PDXDC1: variants seen among roughly 807,000 people sequenced by gnomAD.
PDXDC1 encodes the protein pyridoxal-dependent decarboxylase domain-containing protein 1.
Under a neutral mutation model 100.1 loss-of-function variants are expected in PDXDC1, and 42 were observed. That is an observed-to-expected ratio of 0.42 (90% CI 0.33 to 0.54). The LOEUF is 0.54. Ranked by LOEUF, PDXDC1 falls within the 20% of genes least tolerant of loss-of-function variation. PDXDC1 has a pLI of 0.10. For synonymous variants in PDXDC1, 260 were observed against 371.7 expected, an observed-to-expected ratio of 0.70 and a Z score of 3.46; for missense variants, 636 against 979.2, an observed-to-expected ratio of 0.65 and a Z score of 4.68.
At chr16:15,125,735 C>T (rs770229298) in intron 16 of PDXDC1, 124 of 1,483,364 alleles carry the variant, frequency 8.4e-5, no homozygotes, top group Admixed American at 3.7e-4. Context: ...CTGTCCAGCA[C>T]GGACGAGTCC....
In PDXDC1 at chr16:15,038,257, C is replaced by CCCTGCTGTGATAA. The variant is rs1295092020; in HGVS notation, c.*1983_*1995dup. 1 of 1,327,930 alleles carries CCCTGCTGTGATAA rather than the reference C, an allele frequency of 7.5e-7. No homozygotes were observed. Among genetic ancestry groups the CCCTGCTGTGATAA allele is most frequent in the African/African-American group, 1.5e-5 (1 of 68,276 alleles). The allele number at this position is 1,327,930 out of a possible 1,614,324, so 82.3% of individuals were successfully genotyped here. A position where few individuals can be genotyped will look rare whatever the true frequency, so the allele number is the denominator to read the frequency against. ...CATTAGAGAAGCCAACCTTACTGTC[C>CCCTGCTGTGATAA]CCTGCTGTGATAAAGATGTCAAAGT... On this transcript the variant is annotated 3_prime_UTR_variant, in exon 23 of 23. Coordinates refer to ENST00000396410, the MANE Select transcript of PDXDC1 (RefSeq NM_015027.4).
intron 16 of PDXDC1, among the ~76,000 whole-genome samples, chr16:15,048,727 G>A (rs191277955): frequency 9.3e-4 from 141 of 152,106 alleles, no homozygotes; most frequent in African/African-American, 2.5e-3. Context: ...AGGCTCAAGC[G>A]ATCCTACCAC....
At chr16:15,023,718 G>C (rs1423103557) in intron 13 of PDXDC1, among the ~76,000 whole-genome samples, 7 of 152,290 alleles carry the variant, frequency 4.6e-5, no homozygotes, top group African/African-American at 7.2e-5. Context: ...TTCTGAGTGG[G>C]AGTCTGGAGC....
intron 16 of PDXDC1, chr16:15,093,980 C>G (rs2046245505): frequency 1.5e-6 from 1 of 675,022 alleles, no homozygotes; most frequent in African/African-American, 1.8e-5. Context: ...TGTCTATTAC[C>G]CAGTTAGGAG....
intron 16 of PDXDC1, among the ~76,000 whole-genome samples, chr16:15,053,922 A>G (rs2044395841): frequency 6.6e-6 from 1 of 152,012 alleles, no homozygotes; most frequent in Non-Finnish European, 1.5e-5. Context: ...AAAAAAACCA[A>G]CCAACCAAAC....
chr16:14,988,517 CTG>C (rs1476638965), intron 1 of PDXDC1: 2 of 1,613,830 alleles, frequency 1.2e-6, no homozygotes, highest in African/African-American at 2.7e-5. Flanking sequence ...GCGTGATGGG[CTG>C]TGTCACCATG....
intron 4 of PDXDC1, among the ~76,000 whole-genome samples, chr16:15,003,216 CT>C (rs1217823601): frequency 1.2e-3 from 155 of 134,314 alleles, no homozygotes; most frequent in African/African-American, 1.3e-3. Flanking sequence ...AGATTTAATT[CT>C]TTTTTTTTTT....
At chr16:15,065,314 C>G (rs374776471) in intron 16 of PDXDC1, 26 of 1,613,638 alleles carry the variant, frequency 1.6e-5, no homozygotes, top group East Asian at 8.9e-5. Context: ...TAATGACTGG[C>G]AGCATCTGGC....
chr16:15,142,020 C>A (rs1028395925), downstream of PDXDC1, among the ~76,000 whole-genome samples: 3 of 152,206 alleles, frequency 2.0e-5, no homozygotes, highest in Admixed American at 2.0e-4. Context: ...TGAACACAGG[C>A]AGGCCCCCTG....
At chr16:15,043,448 G>A (rs1247895007) in intron 16 of PDXDC1, among the ~76,000 whole-genome samples, 1 of 152,206 alleles carries the variant, frequency 6.6e-6, no homozygotes, top group Non-Finnish European at 1.5e-5. Context: ...AGGCTGAGGA[G>A]GGAGGATCAC....
rs1489060442 is a variant in PDXDC1, at chr16:15,094,553, G to C, written c.1400-44326G>C. 5 of 440,652 alleles carry C rather than the reference G, an allele frequency of 1.1e-5. No homozygotes were observed. The Admixed American group carries it at 2.2e-4, about 20-fold the overall frequency. The allele number at this position is 440,652 out of a possible 1,614,324, so 27.3% of individuals were successfully genotyped here. On this transcript the variant is annotated intron_variant, in intron 16 of 16. Coordinates refer to the PDXDC1 transcript ENST00000535621. ...AAGCTGTGGCCGGGTACACTCAAGT[G>C]TTAATTTTTTGGAGTCAAAGCCTCC...
intron 13 of PDXDC1, 144 bp downstream of exon 13, chr16:15,022,898 C>T (rs557726743): frequency 3.5e-4 from 259 of 737,416 alleles, no homozygotes; most frequent in African/African-American, 1.7e-3. Context: ...AACAAAAAAA[C>T]GAAACAAAAA....
At chr16:15,119,361 A>T (rs968770906) in intron 16 of PDXDC1, 6 of 279,046 alleles carry the variant, frequency 2.2e-5, no homozygotes, top group African/African-American at 1.3e-4. Context: ...TGAGCCACAC[A>T]TAACATACAC....
Position 14,976,555 on chromosome 16 carries a change from C to T in PDXDC1, c.21+1335C>T, listed in dbSNP as rs375700727. On this transcript the variant is annotated intron_variant, in intron 1 of 22. Coordinates refer to ENST00000396410, the MANE Select transcript of PDXDC1 (RefSeq NM_015027.4). Reference sequence around the variant, plus strand: ...TTTCCTGGCTGGGAATAAAGTCTTTCCGGTCGTCTGATTAGCAGGGTGTCT... The same window carrying T: ...TTTCCTGGCTGGGAATAAAGTCTTTTCGGTCGTCTGATTAGCAGGGTGTCT... Among the ~76,000 whole-genome samples, 3 of 152,408 alleles carry T rather than the reference C, an allele frequency of 2.0e-5. No homozygotes were observed. The South Asian group carries it at 6.2e-4, about 32-fold the overall frequency.
intron 16 of PDXDC1, among the ~76,000 whole-genome samples, chr16:15,072,239 C>T (rs1455519013): frequency 2.2e-4 from 20 of 91,400 alleles, no homozygotes; most frequent in Non-Finnish European, 4.9e-4. Context: ...ACATTCTTTC[C>T]CCCACCAAAA....
intron 16 of PDXDC1, among the ~76,000 whole-genome samples, chr16:15,097,966 GAGTCTCCCTCTGTTGCCC>G (rs2046416482): frequency 7.6e-6 from 1 of 131,082 alleles, no homozygotes; most frequent in African/African-American, 2.9e-5. Flanking sequence ...TTTTGAGACG[GAGTCTCCCTCTGTTGCCC>G]AGGCTGGAGT....
Position 15,037,732 on chromosome 16 carries a change from C to T in PDXDC1, c.*1457C>T, listed in dbSNP as rs768112276. ...AATCTTATTACAAAAGACTTACCCA[C>T]GTACCTGAAATAGCTGCCGATAGAC... is the stretch of plus-strand genomic sequence containing the variant. On this transcript the variant is annotated 3_prime_UTR_variant, in exon 23 of 23. Transcript: ENST00000396410. The T allele has an allele frequency of 3.1e-5, 8 of 260,860 alleles. No homozygotes were observed. The highest frequency in any genetic ancestry group is 1.1e-4 in the African/African-American group (5 of 45,490). 16.2% of individuals were successfully genotyped at this position (260,860 alleles called of 1,614,324 possible). A position where few individuals can be genotyped will look rare whatever the true frequency, so the allele number is the denominator to read the frequency against.
the PDXDC1 span, among the ~76,000 whole-genome samples, chr16:15,145,556 C>T: frequency 2.0e-5 from 3 of 152,258 alleles, no homozygotes; most frequent in South Asian, 2.1e-4. Flanking sequence ...AGGTCAGGAA[C>T]GCCAGGCTGG....
intron 16 of PDXDC1, among the ~76,000 whole-genome samples, chr16:15,100,408 A>G (rs559803436): frequency 6.6e-6 from 1 of 152,328 alleles, no homozygotes; most frequent in South Asian, 2.1e-4. Flanking sequence ...ATCCTCAAAG[A>G]CAACTAATTT....
Sources: gnomAD v4.1 joint callset for allele counts (sites outside exome capture counted in the v4.1 genomes callset) on GRCh38, gnomAD v4.1.1 for gene constraint, MANE v1.5 for transcripts, NCBI Gene and HGNC (gene_info 2026-07-23, HGNC 2026-07-21) for gene names.